The following POLA2 variants were observed in gnomAD, a reference collection of about 807,000 sequenced individuals.
The protein encoded by POLA2 is DNA polymerase alpha 2, accessory subunit.
Under a neutral mutation model 82.8 loss-of-function variants are expected in POLA2, and 47 were observed. That is an observed-to-expected ratio of 0.57 (90% CI 0.45 to 0.72). The LOEUF is 0.72. POLA2 is among the 30% of genes least tolerant of loss of function. The pLI is 0.00. For missense variants in POLA2, 634 were observed against 728.1 expected (o/e 0.87, Z 1.49); for synonymous variants, 287 against 286.8 (o/e 1.00, Z -0.01).
chr11:65,299,437 G>A (rs1949845950), downstream of POLA2, among the ~76,000 whole-genome samples: 1 of 152,194 alleles, frequency 6.6e-6, no homozygotes, highest in East Asian at 1.9e-4. Flanking sequence ...GCTGCTGAGG[G>A]AACAGAAGCC....
intron 10 of POLA2, among the ~76,000 whole-genome samples, chr11:65,284,618 C>T (rs965456320): frequency 2.0e-5 from 3 of 151,898 alleles, no homozygotes; most frequent in East Asian, 1.9e-4. Flanking sequence ...CTCCACCTCC[C>T]GGGTTCAAGC....
chr11:65,269,962 G>A (rs1949505162), intron 4 of POLA2, among the ~76,000 whole-genome samples: 2 of 152,180 alleles, frequency 1.3e-5, no homozygotes, highest in Non-Finnish European at 2.9e-5. Flanking sequence ...CTCCTGAGTA[G>A]CTGGGATTAC....
intron 17 of POLA2, chr11:65,296,309 C>T (rs1949810318): frequency 3.8e-6 from 1 of 262,090 alleles, no homozygotes. Flanking sequence ...TGTACACTTG[C>T]CTGTCCTCTG....
chr11:65,273,893 G>A (rs1789307917), intron 4 of POLA2, among the ~76,000 whole-genome samples: 1 of 152,006 alleles, frequency 6.6e-6, no homozygotes, highest in Admixed American at 6.5e-5. Context: ...GGGAAAAGCT[G>A]TATGCATGAA....
At chr11:65,285,319 C>T (rs950758091) in intron 10 of POLA2, among the ~76,000 whole-genome samples, 1 of 151,902 alleles carries the variant, frequency 6.6e-6, no homozygotes, top group Non-Finnish European at 1.5e-5. Flanking sequence ...GCAGGAGAAT[C>T]GCTTGAACCT....
chr11:65,279,035 G>A (rs1949612467), intron 6 of POLA2, 112 bp downstream of exon 6: 1 of 845,910 alleles, frequency 1.2e-6, no homozygotes, highest in Non-Finnish European at 1.8e-6. Flanking sequence ...GCCTTTCAAT[G>A]TATGAGTTGG....
chr11:65,275,830 A>G (rs1949571431), intron 4 of POLA2, 62 bp from the exon 5 acceptor site: 6 of 923,722 alleles, frequency 6.5e-6, no homozygotes, highest in Admixed American at 2.0e-5. Flanking sequence ...CCAAGGTACT[A>G]TACACTTAAT....
chr11:65,268,383 G>T (rs754027605), intron 3 of POLA2, among the ~76,000 whole-genome samples: 24 of 149,312 alleles, frequency 1.6e-4, no homozygotes, highest in Admixed American at 2.7e-4. Flanking sequence ...ATGGAGTCTC[G>T]CTGTGTCGCC....
intron 1 of POLA2, among the ~76,000 whole-genome samples, chr11:65,265,310 C>T (rs1004496883): frequency 9.2e-5 from 14 of 152,088 alleles, no homozygotes; most frequent in African/African-American, 3.1e-4. Context: ...GTTGCCACCA[C>T]TTCACCAAAG....
intron 1 of POLA2, 124 bp from the exon 2 acceptor site, chr11:65,266,458 A>G (rs1949461138): frequency 4.2e-6 from 4 of 958,496 alleles, no homozygotes; most frequent in Admixed American, 2.2e-5. Context: ...TGCCCAAAAC[A>G]GTGCCTGGCA....
intron 3 of POLA2, among the ~76,000 whole-genome samples, chr11:65,268,248 G>A (rs1166214464): frequency 1.3e-5 from 2 of 151,994 alleles, no homozygotes; most frequent in African/African-American, 4.8e-5. Context: ...CATCCTGGAC[G>A]ACGAGGAAAC....
intron 14 of POLA2, 83 bp downstream of exon 14, chr11:65,294,344 G>A: frequency 8.5e-7 from 1 of 1,178,952 alleles, no homozygotes; most frequent in South Asian, 1.2e-5. Context: ...AGGGGAGGGT[G>A]GAGAGGCCTC....
intron 7 of POLA2, 21 bp from the exon 8 acceptor site, chr11:65,280,970 TG>T: frequency 6.2e-7 from 1 of 1,611,904 alleles, no homozygotes; most frequent in South Asian, 1.1e-5. Context: ...GTCATTCTTA[TG>T]CTGTGACCTT....
rs766837862 is a variant in POLA2 at position 65,282,571 on chromosome 11, T to G, written c.1006+50T>G. ...TTGCCAACAATGAGGATGGTAGACA[T>G]GAGTCCAGGAGTGCAGTTTCCCAAG... is the stretch of plus-strand genomic sequence containing the variant. On this transcript the variant is annotated intron_variant, in intron 10 of 17. Transcript: ENST00000265465. 3 of 1,498,752 alleles carry G rather than the reference T, an allele frequency of 2.0e-6. No homozygotes were observed. The South Asian group carries it at 3.4e-5, about 17-fold the overall frequency. 92.8% of individuals were successfully genotyped at this position (1,498,752 alleles called of 1,614,324 possible).
intron 10 of POLA2, among the ~76,000 whole-genome samples, chr11:65,285,278 G>A (rs906272036): frequency 5.3e-5 from 8 of 152,036 alleles, no homozygotes; most frequent in Admixed American, 5.2e-4. Flanking sequence ...GGCAGCGTGT[G>A]CCTATAATCC....
In POLA2 at chr11:65,262,375, A is replaced by G. The variant is rs767523011; in HGVS notation, c.79+4A>G. On this transcript the variant is annotated splice_donor_region_variant and intron_variant, in intron 1 of 17. Transcript: ENST00000265465. ...GAGGAGGCTCTAATTGAGAAATGTG[A>G]GTCCCGCACCCCTCCCGCCCTGCAG... 2.2e-5 allele frequency: 35 copies of G among 1,610,354 alleles called. No individual in the cohort carries two copies. Among genetic ancestry groups the G allele is most frequent in the Non-Finnish European group, 2.9e-5 (34 of 1,177,646 alleles).
intron 8 of POLA2, among the ~76,000 whole-genome samples, chr11:65,305,063 C>T (rs1949879903): frequency 6.8e-6 from 1 of 147,786 alleles, no homozygotes; most frequent in Non-Finnish European, 1.5e-5. Context: ...TCCATGGGGG[C>T]TAACCTATCA....
In POLA2 at chr11:65,262,113, C is replaced by T; in HGVS notation, c.-180C>T. 1.7e-6 allele frequency: 1 copy of T among 585,970 alleles called. No homozygotes were observed. Among genetic ancestry groups the T allele is most frequent in the South Asian group, 2.0e-5 (1 of 50,254 alleles). The allele number at this position is 585,970 out of a possible 1,614,324, so 36.3% of individuals were successfully genotyped here. ...TTTTAAAAAAAGTATTTCTCTGTGA[C>T]CGACGGCCGGGGCCTTCTGACGGTC... On this transcript the variant is annotated 5_prime_UTR_variant, in exon 1 of 18. Transcript: ENST00000265465.
intron 2 of POLA2, among the ~76,000 whole-genome samples, chr11:65,267,094 T>C (rs1056506830): frequency 2.0e-5 from 3 of 151,932 alleles, no homozygotes; most frequent in African/African-American, 7.3e-5. Context: ...TAATCCCAGG[T>C]ACTCGGAAAG....
Sources: allele counts gnomAD v4.1 joint callset (sites outside exome capture counted in the v4.1 genomes callset), GRCh38; gene constraint gnomAD v4.1.1; transcripts MANE v1.5; gene names NCBI Gene and HGNC (gene_info 2026-07-23, HGNC 2026-07-21).